MEGF10: variants seen among roughly 807,000 people sequenced by gnomAD.
The protein encoded by MEGF10 is multiple epidermal growth factor-like domains protein 10.
Under a neutral mutation model 147.5 loss-of-function variants are expected in MEGF10, and 86 were observed. The ratio of observed to expected loss-of-function variants is 0.58; its 90% CI spans 0.49 to 0.70. MEGF10 has a LOEUF of 0.70. Among genes scored for constraint, MEGF10 ranks in the 30% least tolerant of loss-of-function variants. The probability of loss-of-function intolerance (pLI) is 0.00; values close to 1 mark genes in which losing one functional copy is unlikely to be tolerated. For synonymous variants in MEGF10, 478 were observed against 525.5 expected (o/e 0.91, Z 1.24); for missense variants, 1,329 against 1,487.3 (o/e 0.89, Z 1.75).
chr5:127,400,251 G>A (rs1417895199), intron 7 of MEGF10, among the ~76,000 whole-genome samples: 1 of 152,220 alleles, frequency 6.6e-6, no homozygotes, highest in Non-Finnish European at 1.5e-5. Flanking sequence ...AACAGCATGA[G>A]GCAATGGAGT....
intron 1 of MEGF10, among the ~76,000 whole-genome samples, chr5:127,310,022 CTTTCTTTCTTTCCTTCTTTCTTTA>C (rs1760213784): frequency 1.3e-5 from 1 of 76,096 alleles, no homozygotes; most frequent in Admixed American, 1.2e-4. Context: ...TTCTTTTTTT[CTTTCTTTCTTTCCTTCTTTCTTTA>C]TTTCTTTCTT....
intron 5 of MEGF10, among the ~76,000 whole-genome samples, chr5:127,370,996 G>C (rs937431744): frequency 2.1e-4 from 32 of 152,106 alleles, no homozygotes; most frequent in African/African-American, 7.0e-4. Flanking sequence ...TCAATAAGCT[G>C]ATTTTAAAAA....
At chr5:127,298,556 G>A (rs957324429) in intron 1 of MEGF10, among the ~76,000 whole-genome samples, 8 of 152,188 alleles carry the variant, frequency 5.3e-5, no homozygotes, top group African/African-American at 1.2e-4. Flanking sequence ...CGGTAGGTGC[G>A]TAGTGGGGTC....
the MEGF10 span, among the ~76,000 whole-genome samples, chr5:127,268,094 T>C: frequency 6.6e-6 from 1 of 152,232 alleles, no homozygotes; most frequent in Non-Finnish European, 1.5e-5. Context: ...ACTTTAAATG[T>C]GTCCCAGAGA....
chr5:127,268,029 T>A, the MEGF10 span, among the ~76,000 whole-genome samples: 2 of 152,226 alleles, frequency 1.3e-5, no homozygotes, highest in Admixed American at 1.3e-4. Flanking sequence ...CAATTTTAGA[T>A]CTTTCCTGCT....
intron 8 of MEGF10, among the ~76,000 whole-genome samples, chr5:127,406,342 C>T (rs1443537631): frequency 2.6e-5 from 4 of 152,168 alleles, no homozygotes; most frequent in Non-Finnish European, 5.9e-5. Context: ...ACCTGCTGCT[C>T]TTGTAACTAT....
chr5:127,403,217 A>G (rs1764195971), intron 8 of MEGF10, among the ~76,000 whole-genome samples: 1 of 152,210 alleles, frequency 6.6e-6, no homozygotes, highest in Non-Finnish European at 1.5e-5. Context: ...GCCGCTGTTT[A>G]TCATCCTCTG....
chr5:127,408,512 GAGGTTAAAAAT>G (rs1292756579), intron 8 of MEGF10, among the ~76,000 whole-genome samples: 1 of 152,120 alleles, frequency 6.6e-6, no homozygotes, highest in Non-Finnish European at 1.5e-5. Context: ...AAGCTTCTTA[GAGGTTAAAAAT>G]AAAGAGCACC....
the MEGF10 span, among the ~76,000 whole-genome samples, chr5:127,251,348 G>A: frequency 3.9e-5 from 6 of 151,970 alleles, no homozygotes; most frequent in East Asian, 1.9e-4. Context: ...GTAGCTGTGC[G>A]TTCTTGAAGT....
the MEGF10 span, among the ~76,000 whole-genome samples, chr5:127,275,241 T>C: frequency 6.6e-6 from 1 of 152,174 alleles, no homozygotes; most frequent in Non-Finnish European, 1.5e-5. Flanking sequence ...TAAGAAGGGA[T>C]CAGACAATAA....
chr5:127,430,586 T>C (rs72790418), intron 13 of MEGF10, among the ~76,000 whole-genome samples: 15,682 of 152,204 alleles, frequency 0.1, 943 homozygotes, highest in Non-Finnish European at 0.13. Flanking sequence ...TCTTAGAATA[T>C]CAATATTCTC....
upstream of MEGF10, among the ~76,000 whole-genome samples, chr5:127,287,074 C>T (rs2127018150): frequency 6.6e-6 from 1 of 151,848 alleles, no homozygotes; most frequent in South Asian, 2.1e-4. Flanking sequence ...AAACATTTGA[C>T]AAAATTAAAT....
chr5:127,369,859 T>G (rs375257034), intron 4 of MEGF10, 51 bp from the exon 5 acceptor site: 1 of 1,466,762 alleles, frequency 6.8e-7, no homozygotes, highest in East Asian at 2.3e-5. Context: ...TGTTGTTGGC[T>G]TTTTTTTCTT....
rs750990210 is a variant in MEGF10, at chr5:127,420,028, C to A, written c.1427-16C>A. 1.9e-6 allele frequency: 3 copies of A among 1,612,802 alleles called. No homozygotes were observed. Among genetic ancestry groups the A allele is most frequent in the Non-Finnish European group, 2.5e-6 (3 of 1,179,414 alleles). ...GCCTTTGTTCGCTCACGTGCTCTGG[C>A]GTTCTTGTCGCACAGGCTGGCACGG... On this transcript the variant is annotated splice_polypyrimidine_tract_variant and intron_variant, in intron 11 of 24. Transcript: ENST00000503335.
At chr5:127,258,246 A>G in the MEGF10 span, among the ~76,000 whole-genome samples, 2 of 152,186 alleles carry the variant, frequency 1.3e-5, no homozygotes, top group African/African-American at 4.8e-5. Flanking sequence ...CTTTGGGGTA[A>G]TCTATGACAA....
At chr5:127,354,863 G>A (rs1762222081) in intron 4 of MEGF10, among the ~76,000 whole-genome samples, 1 of 152,178 alleles carries the variant, frequency 6.6e-6, no homozygotes, top group Admixed American at 6.5e-5. Flanking sequence ...CAATGGCTAT[G>A]TTTTGCCTCA....
chr5:127,420,232 G>A lies in MEGF10; in HGVS notation c.1590+25G>A, dbSNP rs755593171. The stretch of plus-strand genomic sequence containing the variant: ...GGTATGCACAAATCAGCGCCCTGAC[G>A]GAAAACGCCTATGAGGAACTGATGT... On this transcript the variant is annotated intron_variant, in intron 12 of 24. Transcript: ENST00000503335. 7.0e-5 allele frequency: 113 copies of A among 1,608,292 alleles called. No homozygotes were observed. In the South Asian group the frequency reaches 1.0e-3, roughly 15 times the overall value.
At chr5:127,294,833 A>G (rs1250376311) in intron 1 of MEGF10, among the ~76,000 whole-genome samples, 3 of 146,640 alleles carry the variant, frequency 2.0e-5, no homozygotes, top group Non-Finnish European at 4.5e-5. Flanking sequence ...TAATAATAAT[A>G]ATAAATAACT....
the MEGF10 span, among the ~76,000 whole-genome samples, chr5:127,272,780 T>C: frequency 6.6e-6 from 1 of 152,354 alleles, no homozygotes; most frequent in African/African-American, 2.4e-5. Flanking sequence ...ACTGATTTTG[T>C]ATACTGAGAC....
Sources: gnomAD v4.1 joint callset for allele counts (sites outside exome capture counted in the v4.1 genomes callset) on GRCh38, gnomAD v4.1.1 for gene constraint, MANE v1.5 for transcripts, NCBI Gene and HGNC (gene_info 2026-07-23, HGNC 2026-07-21) for gene names.